GPBP1L1: variants seen among roughly 807,000 people sequenced by gnomAD.
GPBP1L1 encodes GC-rich promoter binding protein 1 like 1.
In GPBP1L1, 23 loss-of-function variants were observed where a neutral mutation model predicts 52.5. That is an observed-to-expected ratio of 0.44 (90% CI 0.32 to 0.62). GPBP1L1 has a LOEUF of 0.62. Among genes scored for constraint, GPBP1L1 ranks in the 20% least tolerant of loss-of-function variants. GPBP1L1 has a pLI of 0.06. For synonymous variants in GPBP1L1, 243 were observed against 203.1 expected, an observed-to-expected ratio of 1.20 and a Z score of -1.67; for missense variants, 596 against 579.3, an observed-to-expected ratio of 1.03 and a Z score of -0.30.
At chr1:45,661,514 G>A (rs2148484539) in intron 2 of GPBP1L1, among the ~76,000 whole-genome samples, 1 of 150,590 alleles carries the variant, frequency 6.6e-6, no homozygotes, top group Admixed American at 6.6e-5. Context: ...GGAGTGCAAT[G>A]TCGCCATCTC....
At chr1:45,663,050 CA>C (rs66502921) in intron 2 of GPBP1L1, among the ~76,000 whole-genome samples, 14 of 117,198 alleles carry the variant, frequency 1.2e-4, no homozygotes, top group Non-Finnish European at 1.2e-4. Flanking sequence ...GACTCTGTCT[CA>C]AAAAAAAAAA....
At chr1:45,686,809 C>G (rs1265233212), upstream of GPBP1L1, among the ~76,000 whole-genome samples, 1 of 152,244 alleles carries the variant, frequency 6.6e-6, no homozygotes, top group African/African-American at 2.4e-5. Flanking sequence ...GAATTGAATC[C>G]TCTGCCTTTC....
At chr1:45,653,702 CTTTTTTTTT>C (rs143229482) in intron 6 of GPBP1L1, among the ~76,000 whole-genome samples, 2 of 143,130 alleles carry the variant, frequency 1.4e-5, no homozygotes, top group African/African-American at 2.6e-5. Context: ...TCTTTTTTTT[CTTTTTTTTT>C]TTTTTGAGAC....
At position 45,686,490 on chromosome 1, in the gene GPBP1L1, C is replaced by G; in HGVS notation, c.-1221G>C. The stretch of plus-strand genomic sequence containing the variant: ...CCCCAGCTTGTCGACCCGGCAGAGG[C>G]GGCTAGTCCACAACCATAACAAAGC... On this transcript the variant is annotated 5_prime_UTR_variant, in exon 1 of 13. Coordinates refer to ENST00000355105, the MANE Select transcript of GPBP1L1 (RefSeq NM_021639.5). 6.6e-6 allele frequency: 1 copy of G among 152,338 alleles called. No individual in the cohort carries two copies. Among genetic ancestry groups the G allele is most frequent in the East Asian group, 1.9e-4 (1 of 5,200 alleles). 9.4% of individuals were successfully genotyped at this position (152,338 alleles called of 1,614,324 possible). A position where few individuals can be genotyped will look rare whatever the true frequency, so the allele number is the denominator to read the frequency against.
rs770047911 is a variant in GPBP1L1 at position 45,629,681 on chromosome 1, G to A, written c.1170-3C>T. 3 of 1,573,052 alleles carry A rather than the reference G, an allele frequency of 1.9e-6. No homozygotes were observed. The highest frequency in any genetic ancestry group is 2.2e-5 in the East Asian group (1 of 44,672). On this transcript the variant is annotated splice_polypyrimidine_tract_variant and splice_region_variant and intron_variant, in intron 11 of 12. Coordinates refer to ENST00000355105, the MANE Select transcript of GPBP1L1 (RefSeq NM_021639.5). Reference sequence around the variant, plus strand: ...GCCAACCCATAGCTTTCAATAACCTGGTGGACGCAGAAGGACAGGTAAAGA... The same window carrying A: ...GCCAACCCATAGCTTTCAATAACCTAGTGGACGCAGAAGGACAGGTAAAGA...
intron 2 of GPBP1L1, among the ~76,000 whole-genome samples, chr1:45,673,355 G>A (rs1645097835): frequency 1.3e-5 from 2 of 152,166 alleles, no homozygotes; most frequent in African/African-American, 4.8e-5. Flanking sequence ...ACTGAAGAAT[G>A]AACTACAGAG....
intron 5 of GPBP1L1, 126 bp from the exon 6 acceptor site, chr1:45,654,955 C>A (rs1644866976): frequency 1.9e-6 from 2 of 1,076,802 alleles, no homozygotes; most frequent in Non-Finnish European, 1.3e-6. Flanking sequence ...AAAAATGTAT[C>A]TTTTCTTTGT....
chr1:45,674,250 G>A (rs1045298457), intron 2 of GPBP1L1, among the ~76,000 whole-genome samples: 1 of 152,042 alleles, frequency 6.6e-6, no homozygotes, highest in Non-Finnish European at 1.5e-5. Context: ...GATGTTTTAA[G>A]GACTGACACA....
chr1:45,668,661 A>G (rs1230558605), intron 2 of GPBP1L1, among the ~76,000 whole-genome samples: 1 of 152,202 alleles, frequency 6.6e-6, no homozygotes, highest in Non-Finnish European at 1.5e-5. Context: ...TGTCTCAAAA[A>G]CAAAAACAAA....
chr1:45,666,373 T>C (rs1043551681), intron 2 of GPBP1L1, among the ~76,000 whole-genome samples: 5 of 152,178 alleles, frequency 3.3e-5, no homozygotes, highest in African/African-American at 1.2e-4. Flanking sequence ...CTTGAACTCC[T>C]GACCTCAGGT....
intron 6 of GPBP1L1, among the ~76,000 whole-genome samples, chr1:45,650,620 C>T (rs4660882): frequency 0.53 from 80,674 of 151,904 alleles, 21,532 homozygotes; most frequent in Middle Eastern, 0.59. Flanking sequence ...AAAAATAATA[C>T]AGAAAATCTA....
intron 6 of GPBP1L1, among the ~76,000 whole-genome samples, chr1:45,647,666 G>C (rs1054079198): frequency 6.6e-6 from 1 of 152,294 alleles, no homozygotes; most frequent in South Asian, 2.1e-4. Flanking sequence ...ATATAAGTGA[G>C]CTCAGAGACC....
intron 2 of GPBP1L1, among the ~76,000 whole-genome samples, chr1:45,682,180 T>A (rs1645219306): frequency 1.3e-5 from 2 of 152,130 alleles, no homozygotes; most frequent in Non-Finnish European, 2.9e-5. Flanking sequence ...ACTTTCAAAT[T>A]AACTAAACAG....
chr1:45,668,141 GCT>G (rs1645031944), intron 2 of GPBP1L1, among the ~76,000 whole-genome samples: 1 of 152,038 alleles, frequency 6.6e-6, no homozygotes, highest in African/African-American at 2.4e-5. Context: ...TTCTCCCACA[GCT>G]CTGACTGGTA....
At position 45,654,777 on chromosome 1, in the gene GPBP1L1, G is replaced by A. The variant is rs879757289; in HGVS notation, c.243C>T (p.Val81=). 1.2e-6 allele frequency: 2 copies of A among 1,614,018 alleles called. No individual in the cohort carries two copies. Among genetic ancestry groups the A allele is most frequent in the Middle Eastern group, 1.6e-4 (1 of 6,084 alleles). The stretch of plus-strand genomic sequence containing the variant: ...TGATTCCAGCATATGCTCCCTTAGA[G>A]ACACCAGAGTCCACAGAATCATGGC... ...LFRHDSVDSG[V]SKGAYAGITG... The change falls in exon 6 of 13, where the codon GTC becomes GTT. Residue 81 remains valine (V), a synonymous_variant. Transcript: ENST00000355105.
chr1:45,683,916 C>T (rs541928525), intron 2 of GPBP1L1, among the ~76,000 whole-genome samples: 2 of 151,086 alleles, frequency 1.3e-5, no homozygotes, highest in East Asian at 2.0e-4. Flanking sequence ...AGTGAGACCC[C>T]GTATCAAAAA....
At chr1:45,648,569 C>T (rs1277730872) in intron 6 of GPBP1L1, among the ~76,000 whole-genome samples, 1 of 152,214 alleles carries the variant, frequency 6.6e-6, no homozygotes, top group Non-Finnish European at 1.5e-5. Flanking sequence ...TCCCCCTGCA[C>T]AAATGCTAGT....
At chr1:45,678,589 A>G (rs1273173026) in intron 2 of GPBP1L1, among the ~76,000 whole-genome samples, 1 of 152,230 alleles carries the variant, frequency 6.6e-6, no homozygotes, top group East Asian at 1.9e-4. Flanking sequence ...CAGGAATTAA[A>G]AAAAGAACAA....
chr1:45,666,311 A>G (rs1376361094), intron 2 of GPBP1L1, among the ~76,000 whole-genome samples: 1 of 151,942 alleles, frequency 6.6e-6, no homozygotes, highest in Non-Finnish European at 1.5e-5. Flanking sequence ...ACACCCGGCT[A>G]ATTTTTGTAT....
Sources: allele counts gnomAD v4.1 joint callset (sites outside exome capture counted in the v4.1 genomes callset), GRCh38; gene constraint gnomAD v4.1.1; transcripts MANE v1.5; gene names NCBI Gene and HGNC (gene_info 2026-07-23, HGNC 2026-07-21).